CENPO: variants seen among roughly 807,000 people sequenced by gnomAD.
The protein encoded by CENPO is centromere protein O.
A neutral mutation model predicts 36.1 loss-of-function variants in CENPO; 30 were observed. That is an observed-to-expected ratio of 0.83 (90% CI 0.62 to 1.13). The LOEUF (loss-of-function observed/expected upper bound fraction) is 1.13. Among genes scored for constraint, CENPO ranks in the 50% most tolerant of loss-of-function variants. The probability of loss-of-function intolerance (pLI) is 0.00; values close to 1 mark genes in which losing one functional copy is unlikely to be tolerated. For missense variants in CENPO, 349 were observed against 357.8 expected, an observed-to-expected ratio of 0.98 and a Z score of 0.20; for synonymous variants, 171 against 142.3, an observed-to-expected ratio of 1.20 and a Z score of -1.44.
chr2:24,807,411 G>C (rs1666468833), intron 3 of CENPO, among the ~76,000 whole-genome samples: 1 of 152,066 alleles, frequency 6.6e-6, no homozygotes, highest in South Asian at 2.1e-4. Flanking sequence ...CTTATGTCTG[G>C]CTTCTTTTGC....
intron 7 of CENPO, among the ~76,000 whole-genome samples, chr2:24,818,936 TG>T (rs930779239): frequency 1.3e-5 from 2 of 152,248 alleles, no homozygotes; most frequent in African/African-American, 4.8e-5. Context: ...AACCTCCGTG[TG>T]GGAGAGCTCC....
At chr2:24,808,334 G>A (rs774814146) in intron 3 of CENPO, among the ~76,000 whole-genome samples, 32 of 151,948 alleles carry the variant, frequency 2.1e-4, no homozygotes, top group Non-Finnish European at 4.3e-4. Context: ...TCAGCCTCCC[G>A]AGTAGCTGGG....
chr2:24,818,714 C>T (rs1225041054), intron 7 of CENPO, among the ~76,000 whole-genome samples: 1 of 152,258 alleles, frequency 6.6e-6, no homozygotes, highest in Non-Finnish European at 1.5e-5. Context: ...CCCTCTCCTG[C>T]AGGCTCTCCG....
chr2:24,821,014 G>C lies in CENPO; in HGVS notation c.*1696G>C. 1.1e-6 allele frequency: 1 copy of C among 948,324 alleles called. No individual in the cohort carries two copies. The highest frequency in any genetic ancestry group is 1.5e-6 in the Non-Finnish European group (1 of 658,344). 58.7% of individuals were successfully genotyped at this position (948,324 alleles called of 1,614,324 possible). A position where few individuals can be genotyped will look rare whatever the true frequency, so the allele number is the denominator to read the frequency against. ...TTGGAGGGTGGAAATCACATCTCCTGTTTATCCGTGTGCTTGTTAGGTGTC... is the reference window on the plus strand; with the variant it reads ...TTGGAGGGTGGAAATCACATCTCCTCTTTATCCGTGTGCTTGTTAGGTGTC... On this transcript the variant is annotated 3_prime_UTR_variant, in exon 8 of 8. Transcript: ENST00000380834.
intron 7 of CENPO, among the ~76,000 whole-genome samples, chr2:24,818,670 T>A (rs1550114): frequency 0.83 from 126,018 of 151,906 alleles, 53,432 homozygotes; most frequent in East Asian, 0.99. Flanking sequence ...ATCTGCCCAT[T>A]AACTCAGGGG....
intron 3 of CENPO, among the ~76,000 whole-genome samples, chr2:24,801,449 G>T (rs4417677): frequency 0.65 from 98,292 of 151,886 alleles, 32,423 homozygotes; most frequent in East Asian, 0.87. Context: ...TCTAGGATTT[G>T]TATGGTTTTA....
chr2:24,817,751 T>C lies in CENPO; in HGVS notation c.848T>C (p.Val283Ala). The change falls in exon 7 of 8, where the codon GTG becomes GCG. Residue 283 changes from valine (V) to alanine (A), a missense_variant. Coordinates refer to ENST00000380834, the MANE Select transcript of CENPO (RefSeq NM_001322101.2). ...TLFCTKPLHQ[V>A]FASFTRKGEK... is the part of the protein sequence containing the mutation. ...TTCTGTACGAAGCCCTTGCATCAAG[T>C]GTTTGCCTCATTTACAAGAAAAGGA... 2 of 1,614,212 alleles carry C rather than the reference T, an allele frequency of 1.2e-6. No homozygotes were observed. Among genetic ancestry groups the C allele is most frequent in the Admixed American group, 1.7e-5 (1 of 60,024 alleles).
chr2:24,814,707 G>A, intron 4 of CENPO: 1 of 535,586 alleles, frequency 1.9e-6, no homozygotes, highest in Admixed American at 3.1e-5. Context: ...TGGCCCCTTT[G>A]TACAGCAGCT....
rs762800577 is a variant in CENPO at position 24,816,805 on chromosome 2, G to A, written c.754G>A (p.Val252Met). Reference protein sequence around the residue: ...LTATLPTDVTVTCQGVEVLST... With the variant: ...LTATLPTDVTMTCQGVEVLST... ...AGCAACTCTTCCCACTGACGTCACC[G>A]TGACATGTCAAGGTAAGAAGGGTGC... Residue 252 changes from valine (V) to methionine (M), a missense_variant, in exon 6 of 8, where the codon GTG (valine) becomes ATG (methionine). Physicochemically the swap from Val to Met is conservative, Grantham distance 21. Transcript: ENST00000380834. 35 of 1,599,934 alleles carry A rather than the reference G, an allele frequency of 2.2e-5. No individual in the cohort carries two copies. In the East Asian group the frequency reaches 2.9e-4, roughly 13 times the overall value.
rs946623489 is a variant in CENPO, at chr2:24,819,691, G to A, written c.*373G>A. 2.3e-6 allele frequency: 1 copy of A among 438,382 alleles called. No individual in the cohort carries two copies. The highest frequency in any genetic ancestry group is 4.0e-6 in the Non-Finnish European group (1 of 247,486). 27.2% of individuals were successfully genotyped at this position (438,382 alleles called of 1,614,324 possible). A position where few individuals can be genotyped will look rare whatever the true frequency, so the allele number is the denominator to read the frequency against. ...CAAGGACGGCAGGGATTGGAACGAG[G>A]GCTCTGGAAGGACTGTTCAGCCCTA... On this transcript the variant is annotated 3_prime_UTR_variant, in exon 8 of 8. Transcript: ENST00000380834.
rs1453670242 is a variant in CENPO, at chr2:24,793,476, G to C, written c.-94G>C. On this transcript the variant is annotated 5_prime_UTR_variant, in exon 1 of 8. The change abolishes an upstream ATG in the 5' untranslated region. Transcript: ENST00000380834. Reference sequence around the variant, plus strand: ...TTGGTTTGGTTTTGAAGACGTGGATGGCGGGAATTCTCGCTTCTGGCCTGG... The same window carrying C: ...TTGGTTTGGTTTTGAAGACGTGGATCGCGGGAATTCTCGCTTCTGGCCTGG... 8.1e-6 allele frequency: 13 copies of C among 1,603,762 alleles called. No homozygotes were observed. The highest frequency in any genetic ancestry group is 1.0e-5 in the Non-Finnish European group (12 of 1,174,906).
At chr2:24,799,199 T>C (rs1199017131) in intron 2 of CENPO, among the ~76,000 whole-genome samples, 1 of 152,126 alleles carries the variant, frequency 6.6e-6, no homozygotes, top group Admixed American at 6.5e-5. Flanking sequence ...GGTTTTGCCA[T>C]GTTGGCCAGG....
intron 2 of CENPO, among the ~76,000 whole-genome samples, chr2:24,796,907 A>C (rs1665933590): frequency 6.6e-6 from 1 of 152,116 alleles, no homozygotes; most frequent in Admixed American, 6.6e-5. Context: ...AGAGCCTGAG[A>C]GGAGGCCTGT....
intron 3 of CENPO, among the ~76,000 whole-genome samples, chr2:24,803,760 A>G (rs1250577305): frequency 2.6e-5 from 4 of 152,098 alleles, no homozygotes; most frequent in Non-Finnish European, 5.9e-5. Context: ...TATGTGGTCA[A>G]TTTTGGAATA....
intron 3 of CENPO, among the ~76,000 whole-genome samples, chr2:24,811,762 AT>A (rs972483244): frequency 6.6e-6 from 1 of 151,532 alleles, no homozygotes; most frequent in African/African-American, 2.4e-5. Flanking sequence ...CGCCCGGCCA[AT>A]TTTTTTGTAT....
rs1666906810 is a variant in CENPO at position 24,815,640 on chromosome 2, C to T, written c.478C>T (p.Pro160Ser). Residue 160 changes from proline (P) to serine (S), a missense_variant, in exon 5 of 8, where the codon CCC becomes TCC. By Grantham distance (74) the Pro-to-Ser change is moderately conservative. Transcript: ENST00000380834. ...TCACCATTCAGTCCCAGTCTTCATT[C>T]CCCTGGAAGAGATAGCTGCAAAATA... is the stretch of plus-strand genomic sequence containing the variant. ...IHHHSVPVFI[P>S]LEEIAAKYLQ... 6.2e-7 allele frequency: 1 copy of T among 1,614,130 alleles called. No individual in the cohort carries two copies. The highest frequency in any genetic ancestry group is 8.5e-7 in the Non-Finnish European group (1 of 1,179,992).
At chr2:24,813,366 G>A (rs907393412) in intron 3 of CENPO, among the ~76,000 whole-genome samples, 1 of 152,172 alleles carries the variant, frequency 6.6e-6, no homozygotes, top group Non-Finnish European at 1.5e-5. Context: ...ATTCAGTTGA[G>A]GTGGTCTATT....
chr2:24,821,611 C>T lies in CENPO; in HGVS notation c.*2293C>T. 6.2e-7 allele frequency: 1 copy of T among 1,614,178 alleles called. No homozygotes were observed. The highest frequency in any genetic ancestry group is 1.1e-5 in the South Asian group (1 of 91,090). ...CGAAGTCGGCCAGGTCAGCCAGGTG[C>T]TGCCAGCGCTCTCTCTCGGACTTGT... On this transcript the variant is annotated 3_prime_UTR_variant, in exon 8 of 8. Coordinates refer to ENST00000380834, the MANE Select transcript of CENPO (RefSeq NM_001322101.2).
intron 3 of CENPO, among the ~76,000 whole-genome samples, chr2:24,813,210 C>T (rs1253518739): frequency 6.6e-6 from 1 of 152,098 alleles, no homozygotes; most frequent in African/African-American, 2.4e-5. Context: ...TGTGCCATTG[C>T]ACTCCAGCCT....
Sources: gnomAD v4.1 joint callset for allele counts (sites outside exome capture counted in the v4.1 genomes callset) on GRCh38, gnomAD v4.1.1 for gene constraint, MANE v1.5 for transcripts, NCBI Gene and HGNC (gene_info 2026-07-23, HGNC 2026-07-21) for gene names.